CELF2: variants seen among roughly 807,000 people sequenced by gnomAD.
CELF2 encodes the protein CUG triplet repeat RNA-binding protein 2.
In CELF2, 8 loss-of-function variants were observed where a neutral mutation model predicts 62.6. That is an observed-to-expected ratio of 0.13 (90% CI 0.07 to 0.23). The LOEUF (loss-of-function observed/expected upper bound fraction) is 0.23. Among genes scored for constraint, CELF2 ranks in the 10% least tolerant of loss-of-function variants. The pLI, the probability that CELF2 is intolerant of heterozygous loss-of-function variation, is 1.00. For synonymous variants in CELF2, 258 were observed against 250.0 expected (o/e 1.03, Z -0.30); for missense variants, 333 against 671.0 (o/e 0.50, Z 5.56).
chr10:10,818,267 A>C (rs2056656668), intron 1 of CELF2, among the ~76,000 whole-genome samples: 1 of 152,194 alleles, frequency 6.6e-6, no homozygotes. Context: ...CCAGGAAAAG[A>C]CAGCTCTGTG....
intron 8 of CELF2, among the ~76,000 whole-genome samples, chr10:11,277,068 G>C (rs1327816766): frequency 6.6e-6 from 1 of 152,180 alleles, no homozygotes; most frequent in East Asian, 1.9e-4. Flanking sequence ...GGAGTATTCA[G>C]AGTATTTGGA....
intron 1 of CELF2, among the ~76,000 whole-genome samples, chr10:10,876,837 G>C (rs1256590750): frequency 6.6e-6 from 1 of 152,170 alleles, no homozygotes; most frequent in Non-Finnish European, 1.5e-5. Flanking sequence ...TGTTTAAATG[G>C]AGCAACGTTT....
At chr10:10,763,500 A>G in the CELF2 span, among the ~76,000 whole-genome samples, 1 of 152,208 alleles carries the variant, frequency 6.6e-6, no homozygotes, top group South Asian at 2.1e-4. Flanking sequence ...TAAACAGCCC[A>G]TTGATAAAGG....
the CELF2 span, among the ~76,000 whole-genome samples, chr10:10,523,948 T>C: frequency 2.2e-3 from 334 of 152,332 alleles, 1 homozygote; most frequent in African/African-American, 7.9e-3. Context: ...CAGTTCAAGT[T>C]CTTCAGCCAG....
rs1021269961 is a variant in CELF2, at chr10:11,178,987, C to T, written c.271+13305C>T. ...TCTTGCCCTCTGGCCACTTCCTCCA[C>T]ACCCCCAGGAACATTGCCCCCATTT... On this transcript the variant is annotated intron_variant, in intron 2 of 12. Transcript: ENST00000633077. The surrounding 1 kb of genome is among the most constrained non-coding windows in gnomAD (Gnocchi z 4.3). Among the ~76,000 whole-genome samples, 2 of 152,250 alleles carry T rather than the reference C, an allele frequency of 1.3e-5. No individual in the cohort carries two copies. Among genetic ancestry groups the T allele is most frequent in the African/African-American group, 4.8e-5 (2 of 41,468 alleles).
At chr10:10,632,082 C>T in the CELF2 span, among the ~76,000 whole-genome samples, 1 of 152,234 alleles carries the variant, frequency 6.6e-6, no homozygotes, top group African/African-American at 2.4e-5. Context: ...CAAAGTGACC[C>T]ATCCTCATCC....
chr10:10,590,285 A>C, the CELF2 span, among the ~76,000 whole-genome samples: 188 of 152,298 alleles, frequency 1.2e-3, 1 homozygote, highest in African/African-American at 4.2e-3. Flanking sequence ...AAGATTGGCT[A>C]TTTGAAACCC....
chr10:11,139,952 G>A (rs948211218), intron 1 of CELF2, among the ~76,000 whole-genome samples: 1 of 151,916 alleles, frequency 6.6e-6, no homozygotes, highest in Non-Finnish European at 1.5e-5. Context: ...ATATGGTAGA[G>A]TAAGCCATCT....
At chr10:10,679,246 C>T in the CELF2 span, among the ~76,000 whole-genome samples, 781 of 152,138 alleles carry the variant, frequency 5.1e-3, 8 homozygotes, top group African/African-American at 0.017. Flanking sequence ...AGGCAGTAGC[C>T]CCTGAGTAAT....
chr10:11,062,393 TTGAA>T (rs1348744511), intron 1 of CELF2, among the ~76,000 whole-genome samples: 1 of 152,212 alleles, frequency 6.6e-6, no homozygotes, highest in Admixed American at 6.5e-5. Context: ...GCAAAGTAAA[TTGAA>T]AACCTTCTGG....
In CELF2 at chr10:10,902,745, G is replaced by T. The variant is rs142871686; in HGVS notation, c.54-17219G>T. ...AGTGGGTGTAGTTGATCATCTGTCA[G>T]TTACACCTTAGTAAAGCTCAGGAAA... is the stretch of plus-strand genomic sequence containing the variant. On this transcript the variant is annotated intron_variant, in intron 1 of 13. Coordinates refer to the CELF2 transcript ENST00000636488. 9.0e-3 allele frequency among the ~76,000 whole-genome samples: 1,362 copies of T among 151,860 alleles called. 10 individuals carry two copies. The highest frequency in any genetic ancestry group is 0.018 in the South Asian group (87 of 4,780).
the CELF2 span, among the ~76,000 whole-genome samples, chr10:10,645,276 G>A: frequency 2.0e-5 from 3 of 152,150 alleles, no homozygotes; most frequent in Admixed American, 6.5e-5. Context: ...TGGCAATTCT[G>A]TACTCCACCC....
intron 1 of CELF2, among the ~76,000 whole-genome samples, chr10:11,091,402 T>C (rs1043659964): frequency 1.2e-4 from 19 of 152,236 alleles, no homozygotes; most frequent in African/African-American, 4.6e-4. Flanking sequence ...CAGCCTGTTC[T>C]GGGCTTGAGA....
intron 2 of CELF2, among the ~76,000 whole-genome samples, chr10:10,998,378 A>G (rs532751144): frequency 1.3e-5 from 2 of 152,326 alleles, no homozygotes; most frequent in East Asian, 3.9e-4. Flanking sequence ...TCTTTTGGGG[A>G]TCATAACTTA....
At chr10:10,844,574 AC>A (rs1215945635) in intron 1 of CELF2, among the ~76,000 whole-genome samples, 3 of 152,126 alleles carry the variant, frequency 2.0e-5, no homozygotes, top group Non-Finnish European at 4.4e-5. Context: ...GTGTGGGGAA[AC>A]TAGCAAAGGG....
At chr10:10,840,755 T>C (rs2058627012) in intron 1 of CELF2, among the ~76,000 whole-genome samples, 1 of 152,160 alleles carries the variant, frequency 6.6e-6, no homozygotes, top group Non-Finnish European at 1.5e-5. Flanking sequence ...ACATGTGCCA[T>C]GGTGGTTTGC....
chr10:10,696,917 A>AT, the CELF2 span, among the ~76,000 whole-genome samples: 1 of 152,128 alleles, frequency 6.6e-6, no homozygotes, highest in Non-Finnish European at 1.5e-5. Context: ...GGTACCTCAG[A>AT]TGGAAATGCA....
intron 1 of CELF2, among the ~76,000 whole-genome samples, chr10:10,800,716 T>A (rs1171772558): frequency 6.6e-6 from 1 of 152,252 alleles, no homozygotes; most frequent in Non-Finnish European, 1.5e-5. Flanking sequence ...GATTTCTTGA[T>A]GAAAGCTACA....
At chr10:10,810,681 G>A (rs928817917) in intron 1 of CELF2, among the ~76,000 whole-genome samples, 4 of 152,114 alleles carry the variant, frequency 2.6e-5, no homozygotes, top group South Asian at 2.1e-4. Context: ...AGGAGGTAAC[G>A]GAAGGGAGAG....
Sources: gnomAD v4.1 joint callset for allele counts (sites outside exome capture counted in the v4.1 genomes callset) on GRCh38, gnomAD v4.1.1 for gene constraint, Gnocchi (gnomAD v3.1) non-coding constraint, MANE v1.5 for transcripts, NCBI Gene and HGNC (gene_info 2026-07-23, HGNC 2026-07-21) for gene names.